Variants in TGFBR2 observed in about 807,000 individuals in gnomAD.
TGFBR2 encodes the protein transforming growth factor beta receptor 2, also known as TGF-beta receptor type-2.
TGFBR2 carries 18 observed loss-of-function variants against 49.0 expected under a neutral mutation model. The observed-to-expected ratio is 0.37, with a 90% CI of 0.25 to 0.54. The LOEUF is 0.54. TGFBR2 is among the 20% of genes least tolerant of loss of function. The pLI is 0.85. For missense variants in TGFBR2, 525 were observed against 722.6 expected, an observed-to-expected ratio of 0.73 and a Z score of 3.13; for synonymous variants, 282 against 275.9, an observed-to-expected ratio of 1.02 and a Z score of -0.22.
At chr3:30,688,271 T>C in intron 5 of TGFBR2, 113 bp from the exon 6 acceptor site, 2 of 1,356,320 alleles carry the variant, frequency 1.5e-6, no homozygotes, top group Non-Finnish European at 2.1e-6. Flanking sequence ...TAATTACGTA[T>C]GTATTTGTTA....
intron 3 of TGFBR2, among the ~76,000 whole-genome samples, chr3:30,671,095 A>G (rs1301288870): frequency 6.6e-6 from 1 of 152,102 alleles, no homozygotes; most frequent in Non-Finnish European, 1.5e-5. Context: ...ATTTTTTTTC[A>G]TGTTCCCAAT....
At chr3:30,607,042 G>T in intron 1 of TGFBR2, 65 bp downstream of exon 1, 1 of 1,419,676 alleles carries the variant, frequency 7.0e-7, no homozygotes, top group Non-Finnish European at 9.6e-7. Context: ...CCGCCTCTCC[G>T]CTGCGCTTGA....
intron 1 of TGFBR2, among the ~76,000 whole-genome samples, chr3:30,634,651 G>A (rs1476996726): frequency 6.6e-6 from 1 of 152,188 alleles, no homozygotes; most frequent in East Asian, 1.9e-4. Flanking sequence ...CTATCAGTCT[G>A]TGCCATTTAC....
intron 3 of TGFBR2, among the ~76,000 whole-genome samples, chr3:30,669,121 CAAAAAAAAAAAA>C (rs56069409): frequency 1.6e-4 from 13 of 83,464 alleles, no homozygotes; most frequent in African/African-American, 6.6e-4. Flanking sequence ...ACTAAAAATA[CAAAAAAAAAAAA>C]AAAAAAAAAA....
chr3:30,690,371 G>A (rs1198323131), intron 6 of TGFBR2, among the ~76,000 whole-genome samples: 3 of 152,210 alleles, frequency 2.0e-5, no homozygotes, highest in Admixed American at 2.0e-4. Context: ...TCTCCTGGAT[G>A]GTCTCCTTGG....
chr3:30,648,463 A>ACACAC (rs1698817714), intron 2 of TGFBR2, among the ~76,000 whole-genome samples: 1 of 72,010 alleles, frequency 1.4e-5, no homozygotes, highest in Non-Finnish European at 3.1e-5. Flanking sequence ...CACACACACA[A>ACACAC]AACTGTGGGG....
chr3:30,667,643 G>GT (rs1699267810), intron 3 of TGFBR2, among the ~76,000 whole-genome samples: 1 of 152,124 alleles, frequency 6.6e-6, no homozygotes, highest in African/African-American at 2.4e-5. Flanking sequence ...GGGGATTTCT[G>GT]TTTTTGTGTT....
intron 1 of TGFBR2, among the ~76,000 whole-genome samples, chr3:30,633,241 A>G (rs1475257526): frequency 6.6e-6 from 1 of 152,200 alleles, no homozygotes; most frequent in Non-Finnish European, 1.5e-5. Flanking sequence ...TAATGACAAA[A>G]TTGCATGGTG....
chr3:30,650,723 G>A (rs549925296), intron 3 of TGFBR2, among the ~76,000 whole-genome samples: 4 of 152,068 alleles, frequency 2.6e-5, no homozygotes, highest in Non-Finnish European at 2.9e-5. Context: ...CTCAAAGTGC[G>A]GCCTCTTGAG....
chr3:30,682,976 T>A (rs375795635), intron 5 of TGFBR2, among the ~76,000 whole-genome samples: 2 of 152,160 alleles, frequency 1.3e-5, no homozygotes, highest in South Asian at 4.1e-4. Flanking sequence ...TTGGCAGAGA[T>A]GAGCAAGCAT....
At position 30,606,832 on chromosome 3, in the gene TGFBR2, G is replaced by A; in HGVS notation, c.-52G>A. ...GAGGCGCAGCCAGGGGTCCGGGAAG[G>A]CGCCGTCCGCTGCGCTGGGGGCTCG... On this transcript the variant is annotated 5_prime_UTR_variant, in exon 1 of 7. Coordinates refer to ENST00000295754, the MANE Select transcript of TGFBR2 (RefSeq NM_003242.6). The A allele has an allele frequency of 3.1e-6, 4 of 1,285,184 alleles. No individual in the cohort carries two copies. The highest frequency in any genetic ancestry group is 4.1e-6 in the Non-Finnish European group (4 of 986,212). The allele number at this position is 1,285,184 out of a possible 1,614,324, so 79.6% of individuals were successfully genotyped here. A position where few individuals can be genotyped will look rare whatever the true frequency, so the allele number is the denominator to read the frequency against.
chr3:30,639,028 T>G (rs1254271098), intron 1 of TGFBR2, among the ~76,000 whole-genome samples: 2 of 152,156 alleles, frequency 1.3e-5, no homozygotes, highest in African/African-American at 4.8e-5. Flanking sequence ...TTGCAATCAT[T>G]TAAGAGGTCA....
intron 5 of TGFBR2, among the ~76,000 whole-genome samples, chr3:30,687,639 A>G (rs1056011534): frequency 6.6e-6 from 1 of 152,224 alleles, no homozygotes; most frequent in African/African-American, 2.4e-5. Flanking sequence ...ACTGGCATTA[A>G]GTACCTTCGC....
rs182336354 is a variant in TGFBR2, at chr3:30,624,615, A to G, written c.94+17638A>G. Among the ~76,000 whole-genome samples, 490 of 144,054 alleles carry G rather than the reference A, an allele frequency of 3.4e-3. 6 individuals are homozygous for G. Among genetic ancestry groups the G allele is most frequent in the African/African-American group, 0.012 (475 of 39,052 alleles). The allele number at this position is 144,054 out of a possible 152,430, so 94.5% of individuals were successfully genotyped here. Reference sequence around the variant, plus strand: ...TGGCGACAGAGCAAGACTCCGTCTCAAAGGAAAAAAAAAAAAGAATCACTT... The same window carrying G: ...TGGCGACAGAGCAAGACTCCGTCTCGAAGGAAAAAAAAAAAAGAATCACTT... On this transcript the variant is annotated intron_variant, in intron 1 of 6. Coordinates refer to ENST00000295754, the MANE Select transcript of TGFBR2 (RefSeq NM_003242.6).
At chr3:30,691,337 A>G in intron 6 of TGFBR2, 83 bp from the exon 7 acceptor site, 3 of 1,499,476 alleles carry the variant, frequency 2.0e-6, no homozygotes, top group Non-Finnish European at 1.8e-6. Flanking sequence ...TGCACTCACT[A>G]TAGCAACAAG....
intron 5 of TGFBR2, among the ~76,000 whole-genome samples, chr3:30,683,874 G>A (rs1385648896): frequency 6.6e-6 from 1 of 152,150 alleles, no homozygotes; most frequent in African/African-American, 2.4e-5. Flanking sequence ...GTTACATGAG[G>A]TCTCATCCTA....
intron 5 of TGFBR2, among the ~76,000 whole-genome samples, chr3:30,677,531 C>T (rs1189395229): frequency 6.6e-6 from 1 of 152,192 alleles, no homozygotes; most frequent in South Asian, 2.1e-4. Context: ...TGTGAACTCA[C>T]GTAGTAAGCT....
At chr3:30,687,249 G>A (rs1699638644) in intron 5 of TGFBR2, among the ~76,000 whole-genome samples, 1 of 152,160 alleles carries the variant, frequency 6.6e-6, no homozygotes. Flanking sequence ...TATACCATCA[G>A]AGGAAAATTA....
intron 3 of TGFBR2, among the ~76,000 whole-genome samples, chr3:30,667,818 CAAATTGTATTTCTCATATGTG>C (rs1236532944): frequency 6.6e-6 from 1 of 152,094 alleles, no homozygotes; most frequent in Non-Finnish European, 1.5e-5. Flanking sequence ...TAAATTTTTT[CAAATTGTATTTCTCATATGTG>C]AAAAAAAATT....
Sources: allele counts gnomAD v4.1 joint callset (sites outside exome capture counted in the v4.1 genomes callset), GRCh38; gene constraint gnomAD v4.1.1; transcripts MANE v1.5; gene names NCBI Gene and HGNC (gene_info 2026-07-23, HGNC 2026-07-21).